Variants in QTGAL observed in about 807,000 individuals in gnomAD.
QTGAL encodes BGnT-like protein 1.
At chr17:83,035,028 T>A in the QTGAL span, 1 of 1,593,310 alleles carries the variant, frequency 6.3e-7, no homozygotes, top group Middle Eastern at 1.7e-4. Context: ...AAAAGAAAGT[T>A]ACTTACCGAA....
the QTGAL span, chr17:82,947,102 C>T: frequency 2.5e-6 from 2 of 792,194 alleles, no homozygotes; most frequent in South Asian, 3.4e-5. Flanking sequence ...GTGTTCTGCT[C>T]CTCTGCTAAT....
chr17:82,958,166 G>A, the QTGAL span, among the ~76,000 whole-genome samples: 3 of 152,336 alleles, frequency 2.0e-5, no homozygotes, highest in South Asian at 6.2e-4. Flanking sequence ...GAGCTGCCCG[G>A]GCTGAGCCCG....
At chr17:83,049,412 GTT>G in the QTGAL span, among the ~76,000 whole-genome samples, 14 of 136,804 alleles carry the variant, frequency 1.0e-4, no homozygotes, top group African/African-American at 2.7e-4. Context: ...TAACTGGTTG[GTT>G]TTTTTTTTTT....
At chr17:83,036,269 G>A in the QTGAL span, among the ~76,000 whole-genome samples, 1 of 152,274 alleles carries the variant, frequency 6.6e-6, no homozygotes, top group Non-Finnish European at 1.5e-5. Context: ...AGAGAAGGGA[G>A]CAGCTGCTGG....
At chr17:82,964,607 T>G in the QTGAL span, among the ~76,000 whole-genome samples, 1 of 89,074 alleles carries the variant, frequency 1.1e-5, no homozygotes, top group Non-Finnish European at 2.1e-5. Flanking sequence ...GACGGAGACA[T>G]GGATGCCTGC....
At chr17:82,970,632 C>CGACCTCCGCACACAGCGTGGCCGT in the QTGAL span, among the ~76,000 whole-genome samples, 3 of 29,860 alleles carry the variant, frequency 1.0e-4, 1 homozygote, top group African/African-American at 3.7e-4. Flanking sequence ...GGCGTGGCCG[C>CGACCTCCGCACACAGCGTGGCCGT]GACCTCCGCA....
chr17:82,990,472 C>A, the QTGAL span, among the ~76,000 whole-genome samples: 1 of 152,254 alleles, frequency 6.6e-6, no homozygotes, highest in African/African-American at 2.4e-5. Flanking sequence ...TGCCATATCA[C>A]GTGGCCAAGC....
chr17:83,048,525 C>T, the QTGAL span: 2 of 1,614,154 alleles, frequency 1.2e-6, no homozygotes. Context: ...ACACCAGAAT[C>T]TTCCAGCTTC....
At chr17:82,966,284 G>A in the QTGAL span, among the ~76,000 whole-genome samples, 2 of 151,636 alleles carry the variant, frequency 1.3e-5, no homozygotes, top group African/African-American at 4.9e-5. Flanking sequence ...TAAACTCCCG[G>A]CCTCAAGCGA....
the QTGAL span, chr17:83,048,350 G>A: frequency 2.3e-6 from 2 of 873,806 alleles, no homozygotes; most frequent in South Asian, 1.5e-5. Context: ...TTAATAAGTG[G>A]TATATCCAAT....
the QTGAL span, chr17:82,947,002 TC>T: frequency 1.3e-6 from 2 of 1,552,708 alleles, no homozygotes; most frequent in Non-Finnish European, 1.7e-6. Flanking sequence ...AGCAGCAGAT[TC>T]AGCTCAGTCC....
At chr17:82,965,694 C>G in the QTGAL span, 13 of 1,612,330 alleles carry the variant, frequency 8.1e-6, no homozygotes, top group Admixed American at 3.4e-5. Flanking sequence ...GAACCACGCT[C>G]GCGAGCAGAA....
the QTGAL span, among the ~76,000 whole-genome samples, chr17:82,972,931 C>T: frequency 7.6e-6 from 1 of 131,028 alleles, no homozygotes; most frequent in Non-Finnish European, 1.7e-5. Context: ...CCACACCACA[C>T]TCATAGGGGC....
At chr17:82,964,601 G>A in the QTGAL span, among the ~76,000 whole-genome samples, 4 of 146,786 alleles carry the variant, frequency 2.7e-5, no homozygotes, top group Non-Finnish European at 4.5e-5. Flanking sequence ...GGGGAGGACG[G>A]AGACATGGAT....
the QTGAL span, chr17:83,035,112 G>C: frequency 6.2e-7 from 1 of 1,606,082 alleles, no homozygotes; most frequent in Non-Finnish European, 8.5e-7. Flanking sequence ...GTGGAAAAAA[G>C]AAGAGCAAAA....
chr17:82,943,052 CT>C, the QTGAL span: 1 of 155,502 alleles, frequency 6.4e-6, no homozygotes. Flanking sequence ...CATGTGGCCC[CT>C]CTGCAGTGCA....
chr17:83,015,272 G>A, the QTGAL span, among the ~76,000 whole-genome samples: 1 of 152,314 alleles, frequency 6.6e-6, no homozygotes, highest in African/African-American at 2.4e-5. This position sits in a 1 kb window ranked among gnomAD's most constrained non-coding sequence, Gnocchi z 4.4. Context: ...CTGTGGAGGG[G>A]ACCGTCTGGC....
chr17:82,957,362 G>A, the QTGAL span: 1 of 1,613,310 alleles, frequency 6.2e-7, no homozygotes, highest in Non-Finnish European at 8.5e-7. Flanking sequence ...TGCTCACCTT[G>A]CGCTGGCTGC....
the QTGAL span, chr17:82,945,224 G>A: frequency 1.3e-5 from 2 of 152,206 alleles, no homozygotes; most frequent in African/African-American, 2.4e-5. Context: ...TTAGAAAACT[G>A]GAAGATCTGA....
Sources: allele counts gnomAD v4.1 joint callset (sites outside exome capture counted in the v4.1 genomes callset), GRCh38; gene constraint gnomAD v4.1.1; non-coding constraint Gnocchi (gnomAD v3.1); transcripts MANE v1.5; gene names NCBI Gene and HGNC (gene_info 2026-07-23, HGNC 2026-07-21).